The following SH3RF3 variants were observed in gnomAD, a reference collection of about 807,000 sequenced individuals.
The protein encoded by SH3RF3 is E3 ubiquitin-protein ligase SH3RF3.
In SH3RF3, 29 loss-of-function variants were observed where a neutral mutation model predicts 66.3. The observed-to-expected ratio is 0.44, with a 90% CI of 0.33 to 0.60. The LOEUF is 0.60. SH3RF3 is among the 20% of genes least tolerant of loss of function. SH3RF3 has a pLI of 0.04. For synonymous variants in SH3RF3, 583 were observed against 532.0 expected (o/e 1.10, Z -1.32); for missense variants, 1,194 against 1,190.9 (o/e 1.00, Z -0.04).
At chr2:109,323,731 T>A (rs1261085998) in intron 1 of SH3RF3, among the ~76,000 whole-genome samples, 3 of 152,216 alleles carry the variant, frequency 2.0e-5, no homozygotes, top group Admixed American at 6.5e-5. Flanking sequence ...CCTGTAAGAG[T>A]GGGCATGAGG....
At chr2:109,359,160 C>CA (rs1683006908) in intron 2 of SH3RF3, among the ~76,000 whole-genome samples, 1 of 152,172 alleles carries the variant, frequency 6.6e-6, no homozygotes, top group Non-Finnish European at 1.5e-5. Flanking sequence ...TTGCCAATGA[C>CA]AGACTGTCTT....
intron 1 of SH3RF3, among the ~76,000 whole-genome samples, chr2:109,182,147 G>T (rs187748354): frequency 9.7e-4 from 147 of 152,272 alleles, no homozygotes; most frequent in African/African-American, 3.1e-3. Flanking sequence ...TGCTATAGAA[G>T]AATACCACAA....
At chr2:109,496,405 C>T (rs1679262710) in intron 9 of SH3RF3, among the ~76,000 whole-genome samples, 1 of 152,170 alleles carries the variant, frequency 6.6e-6, no homozygotes, top group African/African-American at 2.4e-5. Flanking sequence ...GTGCATTTTA[C>T]AATCCTCTCA....
At chr2:109,452,137 C>T (rs1677890078) in intron 8 of SH3RF3, among the ~76,000 whole-genome samples, 1 of 152,232 alleles carries the variant, frequency 6.6e-6, no homozygotes, top group African/African-American at 2.4e-5. Flanking sequence ...AAGGCATTTA[C>T]AGCTGCCATT....
rs1397911279 is a variant in SH3RF3 at position 109,502,083 on chromosome 2, C to T, written c.*412C>T. 1 of 184,568 alleles carries T rather than the reference C, an allele frequency of 5.4e-6. No homozygotes were observed. Among genetic ancestry groups the T allele is most frequent in the African/African-American group, 2.3e-5 (1 of 43,208 alleles). 11.4% of individuals were successfully genotyped at this position (184,568 alleles called of 1,614,324 possible). On this transcript the variant is annotated 3_prime_UTR_variant, in exon 10 of 10. Transcript: ENST00000309415. The stretch of plus-strand genomic sequence containing the variant: ...GGGGGCCAGGAGCGCTGGAGATCAT[C>T]TTTCTGGGCTGCCCTGGGCTTCCCG...
At position 109,309,985 on chromosome 2, in the gene SH3RF3, G is replaced by C. The variant is rs1199146513; in HGVS notation, c.574-37689G>C. ...AGAATTGAACTCAGCTCTGCACCAG[G>C]TGGACCTAATAGACATCTACAGAAC... On this transcript the variant is annotated intron_variant, in intron 1 of 9. Transcript: ENST00000309415. 5.5e-5 allele frequency among the ~76,000 whole-genome samples: 7 copies of C among 126,204 alleles called. 1 individual carries two copies. Among genetic ancestry groups the C allele is most frequent in the African/African-American group, 2.4e-4 (6 of 25,358 alleles). 82.8% of individuals were successfully genotyped at this position (126,204 alleles called of 152,430 possible).
chr2:109,314,405 G>A (rs1289709302), intron 1 of SH3RF3, among the ~76,000 whole-genome samples: 2 of 152,210 alleles, frequency 1.3e-5, no homozygotes, highest in Admixed American at 1.3e-4. Flanking sequence ...TTGTAACCCT[G>A]CCTTGGTATA....
intron 8 of SH3RF3, among the ~76,000 whole-genome samples, chr2:109,462,406 A>G (rs1035813775): frequency 6.6e-6 from 1 of 152,092 alleles, no homozygotes; most frequent in Admixed American, 6.6e-5. Flanking sequence ...CAACGAAACC[A>G]TACTGGTATG....
chr2:109,150,221 G>C (rs1483725708), intron 1 of SH3RF3, among the ~76,000 whole-genome samples: 1 of 152,144 alleles, frequency 6.6e-6, no homozygotes, highest in Non-Finnish European at 1.5e-5. Context: ...AGGTAAAGAG[G>C]GAGGAAGAGT....
chr2:109,398,218 C>T (rs1378025728), intron 3 of SH3RF3, among the ~76,000 whole-genome samples: 1 of 152,218 alleles, frequency 6.6e-6, no homozygotes, highest in African/African-American at 2.4e-5. Context: ...GGCCAGCCCA[C>T]GTCTTCTGAT....
chr2:109,392,395 T>C (rs6719398), intron 3 of SH3RF3, among the ~76,000 whole-genome samples: 81,856 of 152,014 alleles, frequency 0.54, 22,710 homozygotes, highest in African/African-American at 0.65. Context: ...TCAGTTTCCT[T>C]ATCTGTAAAA....
intron 6 of SH3RF3, among the ~76,000 whole-genome samples, chr2:109,433,415 C>T (rs116985821): frequency 6.6e-6 from 1 of 152,280 alleles, no homozygotes; most frequent in South Asian, 2.1e-4. Context: ...ACTGAAGAGA[C>T]AAGGGGGTTG....
At chr2:109,444,281 A>T (rs781395423) in intron 7 of SH3RF3, among the ~76,000 whole-genome samples, 31 of 152,208 alleles carry the variant, frequency 2.0e-4, no homozygotes, top group Non-Finnish European at 4.4e-4. Context: ...AATTAAGTTT[A>T]TGTGATGTTG....
chr2:109,251,463 C>A, intron 1 of SH3RF3: 1 of 731,194 alleles, frequency 1.4e-6, no homozygotes, highest in East Asian at 2.7e-5. Flanking sequence ...AATCTATGGA[C>A]AAGAAGTTGT....
chr2:109,231,593 C>T (rs183865561), intron 1 of SH3RF3, among the ~76,000 whole-genome samples: 18 of 152,304 alleles, frequency 1.2e-4, no homozygotes, highest in African/African-American at 3.9e-4. Flanking sequence ...TACTTCTTTC[C>T]ACCTACTAGT....
chr2:109,214,425 A>G (rs555087342), intron 1 of SH3RF3, among the ~76,000 whole-genome samples: 12 of 151,696 alleles, frequency 7.9e-5, no homozygotes, highest in African/African-American at 2.2e-4. Context: ...CACTGTGTAC[A>G]TGTACCCTAG....
chr2:109,484,323 T>TC (rs1023832088), intron 8 of SH3RF3, among the ~76,000 whole-genome samples: 1 of 152,154 alleles, frequency 6.6e-6, no homozygotes, highest in African/African-American at 2.4e-5. Flanking sequence ...CACCTTGGCC[T>TC]CCCAAAGTGC....
chr2:109,435,746 C>T (rs965007414), intron 6 of SH3RF3, among the ~76,000 whole-genome samples: 1 of 152,246 alleles, frequency 6.6e-6, no homozygotes, highest in Non-Finnish European at 1.5e-5. Flanking sequence ...AGTGACTCAT[C>T]ATTTGTGAGC....
rs1217366510 is a variant in SH3RF3 at position 109,134,103 on chromosome 2, C to T, written c.573+3990C>T. On this transcript the variant is annotated intron_variant, in intron 1 of 9. Transcript: ENST00000309415. ...TTGAACATTTACTGAGTGCCTGCTGCATGCTGGGCACTTTGACATATATCA... is the reference window on the plus strand; with the variant it reads ...TTGAACATTTACTGAGTGCCTGCTGTATGCTGGGCACTTTGACATATATCA... Among the ~76,000 whole-genome samples, 3 of 152,338 alleles carry T rather than the reference C, an allele frequency of 2.0e-5. No homozygotes were observed. In the East Asian group the frequency reaches 5.8e-4, roughly 29 times the overall value.
Sources: allele counts gnomAD v4.1 joint callset (sites outside exome capture counted in the v4.1 genomes callset), GRCh38; gene constraint gnomAD v4.1.1; transcripts MANE v1.5; gene names NCBI Gene and HGNC (gene_info 2026-07-23, HGNC 2026-07-21).